Variants in DAPK1 observed in about 807,000 individuals in gnomAD.
DAPK1 encodes death associated protein kinase 1, also known as death-associated protein kinase 1.
DAPK1 carries 56 observed loss-of-function variants against 144.9 expected under a neutral mutation model. That is an observed-to-expected ratio of 0.39 (90% CI 0.31 to 0.48). The LOEUF is 0.48. Among genes scored for constraint, DAPK1 ranks in the 20% least tolerant of loss-of-function variants. The pLI is 0.95. For missense variants in DAPK1, 1,454 were observed against 1,875.4 expected (o/e 0.78, Z 4.15); for synonymous variants, 690 against 749.0 (o/e 0.92, Z 1.29).
intron 17 of DAPK1, 27 bp downstream of exon 17, chr9:87,651,751 A>G (rs1830450528): frequency 6.2e-7 from 1 of 1,602,600 alleles, no homozygotes; most frequent in Non-Finnish European, 8.5e-7. Context: ...GGATCCCTAC[A>G]GCTTCCAACT....
intron 2 of DAPK1, among the ~76,000 whole-genome samples, chr9:87,501,074 G>A (rs1436549415): frequency 6.6e-6 from 1 of 152,188 alleles, no homozygotes; most frequent in Non-Finnish European, 1.5e-5. Context: ...CATGTAGGAA[G>A]ATGCTGCTTA....
chr9:87,643,712 C>T (rs1483135087), intron 11 of DAPK1, among the ~76,000 whole-genome samples: 1 of 152,048 alleles, frequency 6.6e-6, no homozygotes, highest in Non-Finnish European at 1.5e-5. Flanking sequence ...ACACTACCCT[C>T]CACCTCGATG....
chr9:87,508,777 A>G (rs1375232579), intron 2 of DAPK1, among the ~76,000 whole-genome samples: 1 of 152,162 alleles, frequency 6.6e-6, no homozygotes, highest in Non-Finnish European at 1.5e-5. Flanking sequence ...GAAAATGATT[A>G]GATTTTCCTT....
intron 2 of DAPK1, among the ~76,000 whole-genome samples, chr9:87,559,858 ACTC>A (rs1826843414): frequency 6.6e-6 from 1 of 151,160 alleles, no homozygotes; most frequent in Non-Finnish European, 1.5e-5. Flanking sequence ...TCGTGTGCCC[ACTC>A]CTCAGAAAGG....
chr9:87,551,525 A>T (rs1220585459), intron 2 of DAPK1, among the ~76,000 whole-genome samples: 1 of 152,210 alleles, frequency 6.6e-6, no homozygotes, highest in Admixed American at 6.5e-5. Flanking sequence ...AGATCCGGTC[A>T]CCTGGACCAG....
At chr9:87,628,176 G>A (rs963996958) in intron 3 of DAPK1, among the ~76,000 whole-genome samples, 9 of 152,148 alleles carry the variant, frequency 5.9e-5, no homozygotes, top group African/African-American at 1.9e-4. Context: ...TGAGTGCCAC[G>A]CATGCATGCT....
At chr9:87,497,456 A>G (rs1266004844), upstream of DAPK1, among the ~76,000 whole-genome samples, 2 of 152,194 alleles carry the variant, frequency 1.3e-5, no homozygotes, top group East Asian at 3.8e-4. Flanking sequence ...GATTTAAAAA[A>G]ATCTGTTTTG....
chr9:87,632,239 A>T (rs1400946606), intron 3 of DAPK1: 9 of 981,518 alleles, frequency 9.2e-6, no homozygotes, highest in Non-Finnish European at 1.1e-5. Flanking sequence ...GGATCGGTAT[A>T]TATAGGAGTG....
At chr9:87,528,332 C>T (rs1186214766) in intron 2 of DAPK1, among the ~76,000 whole-genome samples, 1 of 151,958 alleles carries the variant, frequency 6.6e-6, no homozygotes, top group Non-Finnish European at 1.5e-5. Context: ...ATTCTCCTGC[C>T]TCAGCCTTCC....
rs528698168 is a variant in DAPK1, at chr9:87,526,098, A to G, written c.62+26959A>G. On this transcript the variant is annotated intron_variant, in intron 2 of 25. Coordinates refer to ENST00000408954, the MANE Select transcript of DAPK1 (RefSeq NM_004938.4). ...TGAGGCAAGAGGATCGCTTACAGCC[A>G]GGAATTCAGCCCCAGCCTGGGCAAT... Among the ~76,000 whole-genome samples the G allele has an allele frequency of 3.9e-5, 6 of 151,976 alleles. No individual in the cohort carries two copies. In the East Asian group the frequency reaches 1.2e-3, roughly 29 times the overall value.
intron 18 of DAPK1, among the ~76,000 whole-genome samples, chr9:87,667,575 A>G (rs1440401110): frequency 1.3e-5 from 2 of 152,238 alleles, no homozygotes; most frequent in African/African-American, 2.4e-5. Context: ...GACCCCAGGC[A>G]TGACTCTGGG....
chr9:87,557,944 A>G (rs1453832360), intron 2 of DAPK1, among the ~76,000 whole-genome samples: 1 of 142,818 alleles, frequency 7.0e-6, no homozygotes, highest in Admixed American at 6.7e-5. Flanking sequence ...CCGTCTGAAG[A>G]CAAACAAACA....
intron 21 of DAPK1, among the ~76,000 whole-genome samples, chr9:87,692,296 C>T (rs1403038130): frequency 2.0e-5 from 3 of 150,816 alleles, no homozygotes; most frequent in Non-Finnish European, 3.0e-5. Flanking sequence ...CAGCAACTTT[C>T]GCTCACTTTT....
chr9:87,665,367 C>T (rs1419376735), intron 18 of DAPK1, among the ~76,000 whole-genome samples: 2 of 152,188 alleles, frequency 1.3e-5, no homozygotes, highest in East Asian at 3.9e-4. Flanking sequence ...ATAGTCCAGG[C>T]AGGACATGGA....
chr9:87,498,949 C>G, intron 1 of DAPK1, 21 bp from the exon 2 acceptor site: 1 of 684,118 alleles, frequency 1.5e-6, no homozygotes, highest in Admixed American at 2.6e-5. Flanking sequence ...ATTATTATTG[C>G]CTTTTTTTTT....
chr9:87,534,632 C>A (rs150392029), intron 2 of DAPK1, among the ~76,000 whole-genome samples: 10 of 150,534 alleles, frequency 6.6e-5, no homozygotes, highest in African/African-American at 2.4e-4. Flanking sequence ...TGTGAGGTGT[C>A]CTTTCTTGAT....
chr9:87,689,147 G>T (rs938074986), intron 21 of DAPK1, among the ~76,000 whole-genome samples: 7 of 151,888 alleles, frequency 4.6e-5, no homozygotes, highest in African/African-American at 1.5e-4. Flanking sequence ...TCATTCTTCT[G>T]CATGTGGCTT....
intron 21 of DAPK1, among the ~76,000 whole-genome samples, chr9:87,694,052 A>G (rs2149377): frequency 0.68 from 102,904 of 151,916 alleles, 35,184 homozygotes; most frequent in East Asian, 0.98. Context: ...GGGCCTCCAG[A>G]CAGCTTGCTC....
chr9:87,567,376 A>G (rs1305413189), intron 2 of DAPK1, among the ~76,000 whole-genome samples: 1 of 152,084 alleles, frequency 6.6e-6, no homozygotes, highest in African/African-American at 2.4e-5. Flanking sequence ...GAGGAGATAC[A>G]GGCTGTGGGG....
Sources: gnomAD v4.1 joint callset for allele counts (sites outside exome capture counted in the v4.1 genomes callset) on GRCh38, gnomAD v4.1.1 for gene constraint, MANE v1.5 for transcripts, NCBI Gene and HGNC (gene_info 2026-07-23, HGNC 2026-07-21) for gene names.